The following XRN2 variants were observed in gnomAD, a reference collection of about 807,000 sequenced individuals.
The protein encoded by XRN2 is DHM1-like protein.
In XRN2, 44 loss-of-function variants were observed where a neutral mutation model predicts 138.5. The observed-to-expected ratio is 0.32, with a 90% confidence interval of 0.25 to 0.41. The LOEUF is 0.41. Ranked by LOEUF, XRN2 falls within the 10% of genes least tolerant of loss-of-function variation. XRN2 has a pLI of 1.00. For missense variants in XRN2, 937 were observed against 1,169.3 expected (o/e 0.80, Z 2.90); for synonymous variants, 354 against 369.4 (o/e 0.96, Z 0.48).
At chr20:21,303,901 C>T in intron 1 of XRN2, 1 of 974,064 alleles carries the variant, frequency 1.0e-6, no homozygotes, top group Non-Finnish European at 1.2e-6. Flanking sequence ...AGCTTTTTGA[C>T]AACCTTGTAA....
chr20:21,347,043 T>C (rs2038445254), intron 17 of XRN2, among the ~76,000 whole-genome samples: 2 of 152,198 alleles, frequency 1.3e-5, no homozygotes, highest in South Asian at 4.1e-4. Context: ...TGGAAGTTTC[T>C]TAGATATTAA....
At chr20:21,363,442 C>T (rs1014656451) in intron 24 of XRN2, among the ~76,000 whole-genome samples, 1 of 152,206 alleles carries the variant, frequency 6.6e-6, no homozygotes, top group African/African-American at 2.4e-5. Flanking sequence ...AGCACAAATA[C>T]TTAACTACCA....
chr20:21,359,071 C>G (rs978089786), intron 24 of XRN2, among the ~76,000 whole-genome samples: 1 of 152,130 alleles, frequency 6.6e-6, no homozygotes, highest in East Asian at 1.9e-4. Flanking sequence ...ATAGTTAATT[C>G]TACTTAACTT....
chr20:21,341,938 C>A (rs553912442), intron 15 of XRN2, among the ~76,000 whole-genome samples: 5 of 151,946 alleles, frequency 3.3e-5, no homozygotes, highest in Non-Finnish European at 7.4e-5. Context: ...TATCTTCAGG[C>A]CCGGTAGTAT....
intron 1 of XRN2, among the ~76,000 whole-genome samples, chr20:21,324,901 G>A (rs1176369375): frequency 1.3e-5 from 2 of 152,206 alleles, no homozygotes; most frequent in Non-Finnish European, 2.9e-5. Flanking sequence ...TATTTACAGA[G>A]CTGTGCAATC....
In XRN2 at chr20:21,325,393, G is replaced by A. The variant is rs561194858; in HGVS notation, c.76-886G>A. Among the ~76,000 whole-genome samples, 20 of 152,254 alleles carry A rather than the reference G, an allele frequency of 1.3e-4. No homozygotes were observed. The South Asian group carries it at 2.7e-3, about 21-fold the overall frequency. ...CTTTTGAGGAACTCAATGTAGCTGG[G>A]GTAGATTGACTAACTGTAAAACAGT... On this transcript the variant is annotated intron_variant, in intron 1 of 29. Transcript: ENST00000377191.
chr20:21,366,327 C>A (rs1239042430), intron 26 of XRN2, among the ~76,000 whole-genome samples: 1 of 148,064 alleles, frequency 6.8e-6, no homozygotes, highest in African/African-American at 2.5e-5. Flanking sequence ...GCAGGCAGAT[C>A]ATGAGATCAG....
At chr20:21,378,781 T>C (rs1254930445) in intron 27 of XRN2, among the ~76,000 whole-genome samples, 1 of 152,212 alleles carries the variant, frequency 6.6e-6, no homozygotes, top group African/African-American at 2.4e-5. Flanking sequence ...AGTATGAAAT[T>C]GCACTCAAGA....
At chr20:21,345,931 T>C (rs575801465) in intron 16 of XRN2, among the ~76,000 whole-genome samples, 77 of 97,758 alleles carry the variant, frequency 7.9e-4, no homozygotes, top group African/African-American at 2.4e-3. Flanking sequence ...GATTATTCTT[T>C]TATAAACTAT....
In XRN2 at chr20:21,329,535, A is replaced by G. The variant is rs2038174059; in HGVS notation, c.427+865A>G. 2.0e-5 allele frequency among the ~76,000 whole-genome samples: 3 copies of G among 152,304 alleles called. No individual in the cohort carries two copies. The South Asian group carries it at 6.2e-4, about 32-fold the overall frequency. ...GGCCTGCAATTACAATAAATTTTAT[A>G]TTACTTGAATTTTGCTGGAAGTGTA... On this transcript the variant is annotated intron_variant, in intron 4 of 29. Transcript: ENST00000377191.
Position 21,340,813 on chromosome 20 carries a change from G to T in XRN2, c.1371G>T (p.Pro457=). 1 of 1,613,930 alleles carries T rather than the reference G, an allele frequency of 6.2e-7. No individual in the cohort carries two copies. The highest frequency in any genetic ancestry group is 1.1e-5 in the South Asian group (1 of 91,066). ...NSPGSQVASN[P]RQAAYEMRMQ... ...CAGGTTCTCAAGTAGCCAGTAATCC[G>T]AGACAAGCAGCCTATGAAATGAGGA... is the stretch of plus-strand genomic sequence containing the variant. The change falls in exon 15 of 30, where the codon CCG becomes CCT. Residue 457 remains proline (P), a synonymous_variant. Transcript: ENST00000377191.
rs1187921122 is a variant in XRN2, at chr20:21,365,622, G to T, written c.2374G>T (p.Gly792Ter). ...KPSDWEKSSN[G>*]RQWKPQLGFN... is the part of the protein sequence containing the mutation. ...TAGTGACTGGGAAAAATCCAGCAATGGACGGCAGTGGAAGCCTCAGCTTGG... is the reference window on the plus strand; with the variant it reads ...TAGTGACTGGGAAAAATCCAGCAATTGACGGCAGTGGAAGCCTCAGCTTGG... Residue 792 changes from glycine to a stop codon, truncating the protein, a stop_gained, in exon 26 of 30, where the codon GGA becomes TGA. Coordinates refer to ENST00000377191, the MANE Select transcript of XRN2 (RefSeq NM_012255.5). LOFTEE classifies it high-confidence loss of function. 1 of 1,613,344 alleles carries T rather than the reference G, an allele frequency of 6.2e-7. No individual in the cohort carries two copies. Among genetic ancestry groups the T allele is most frequent in the Non-Finnish European group, 8.5e-7 (1 of 1,179,952 alleles).
intron 20 of XRN2, among the ~76,000 whole-genome samples, chr20:21,351,498 A>G (rs2038509974): frequency 6.6e-6 from 1 of 152,088 alleles, no homozygotes; most frequent in Admixed American, 6.5e-5. Flanking sequence ...TTAATCTTTT[A>G]TTGGATATAT....
intron 4 of XRN2, among the ~76,000 whole-genome samples, chr20:21,329,428 T>C (rs1176091220): frequency 2.0e-5 from 3 of 152,156 alleles, no homozygotes; most frequent in Middle Eastern, 3.2e-3. Context: ...GGGGGTATAA[T>C]AGACCAGAAA....
At chr20:21,380,076 A>G (rs2038866277) in intron 27 of XRN2, among the ~76,000 whole-genome samples, 1 of 152,156 alleles carries the variant, frequency 6.6e-6, no homozygotes, top group Non-Finnish European at 1.5e-5. Flanking sequence ...ATAAAAAGAC[A>G]CCAGGCAAGC....
intron 27 of XRN2, among the ~76,000 whole-genome samples, chr20:21,377,643 T>A (rs1166131827): frequency 6.6e-6 from 1 of 152,162 alleles, no homozygotes; most frequent in Non-Finnish European, 1.5e-5. Context: ...GATTCAATAT[T>A]TGTGTAGAAC....
At position 21,368,585 on chromosome 20, in the gene XRN2, T is replaced by G. The variant is rs778234553; in HGVS notation, c.2579T>G (p.Met860Arg). The change falls in exon 27 of 30, where the codon ATG becomes AGG. Residue 860 changes from methionine (M) to arginine (R), a missense_variant. Coordinates refer to ENST00000377191, the MANE Select transcript of XRN2 (RefSeq NM_012255.5). ...LRGQAQIPKL[M>R]SNMRPQDSWR... ...GGACAAGCCCAGATTCCAAAACTTA[T>G]GTCAAGTAAGCTTTTACAAATCGGT... 6.2e-7 allele frequency: 1 copy of G among 1,613,102 alleles called. No homozygotes were observed. The highest frequency in any genetic ancestry group is 2.2e-5 in the East Asian group (1 of 44,860).
At chr20:21,360,083 A>G (rs1433320881) in intron 24 of XRN2, among the ~76,000 whole-genome samples, 1 of 152,156 alleles carries the variant, frequency 6.6e-6, no homozygotes. Context: ...CTAACCTAGG[A>G]GATCATATTT....
At chr20:21,339,124 C>A in intron 14 of XRN2, 36 bp downstream of exon 14, 2 of 1,567,112 alleles carry the variant, frequency 1.3e-6, no homozygotes, top group Non-Finnish European at 1.7e-6. Context: ...TTGGCAATAG[C>A]GTAATTTTAC....
Sources: gnomAD v4.1 joint callset for allele counts (sites outside exome capture counted in the v4.1 genomes callset) on GRCh38, gnomAD v4.1.1 for gene constraint, MANE v1.5 for transcripts, NCBI Gene and HGNC (gene_info 2026-07-23, HGNC 2026-07-21) for gene names.